The following TMEFF2 variants were observed in gnomAD, a reference collection of about 807,000 sequenced individuals.
The protein encoded by TMEFF2 is tomoregulin-2.
TMEFF2 carries 28 observed loss-of-function variants against 53.8 expected under a neutral mutation model. The observed-to-expected ratio is 0.52, with a 90% CI of 0.39 to 0.71. The LOEUF is 0.71. TMEFF2 is among the 30% of genes least tolerant of loss of function. The probability of loss-of-function intolerance (pLI) is 0.00; values close to 1 mark genes in which losing one functional copy is unlikely to be tolerated. For synonymous variants in TMEFF2, 162 were observed against 166.3 expected (o/e 0.97, Z 0.20); for missense variants, 353 against 455.2 (o/e 0.78, Z 2.04).
chr2:191,951,059 TATAAAATTCTATTATA>T (rs67972756), intron 9 of TMEFF2, among the ~76,000 whole-genome samples: 42,563 of 151,914 alleles, frequency 0.28, 6,073 homozygotes, highest in African/African-American at 0.3. Flanking sequence ...GGAAAGTTCA[TATAAAATTCTATTATA>T]ATAATCTGTG....
chr2:191,964,320 C>A (rs1386551162), intron 7 of TMEFF2, among the ~76,000 whole-genome samples: 1 of 120,522 alleles, frequency 8.3e-6, no homozygotes, highest in Non-Finnish European at 1.7e-5. Flanking sequence ...TCTTTCCTTC[C>A]TTCCTTTCTT....
intron 4 of TMEFF2, among the ~76,000 whole-genome samples, chr2:192,171,003 A>G (rs1477205609): frequency 6.6e-6 from 1 of 152,148 alleles, no homozygotes; most frequent in Non-Finnish European, 1.5e-5. Context: ...TTCATTTAGT[A>G]CATTGAAAGA....
chr2:191,950,236 T>TCCG lies in TMEFF2; in HGVS notation c.*74_*75insCGG. On this transcript the variant is annotated 3_prime_UTR_variant, in exon 10 of 10. Transcript: ENST00000272771. ...AGGCAACATGTGTAGATCTCTTGTCTTATTCTTTTGTCTATAATACTGTAT... is the reference window on the plus strand; with the variant it reads ...AGGCAACATGTGTAGATCTCTTGTCTCCGTATTCTTTTGTCTATAATACTGTAT... 1 of 1,541,916 alleles carries TCCG rather than the reference T, an allele frequency of 6.5e-7. No homozygotes were observed. Among genetic ancestry groups the TCCG allele is most frequent in the Admixed American group, 1.9e-5 (1 of 52,246 alleles).
At chr2:192,184,311 T>C in intron 3 of TMEFF2, 43 bp downstream of exon 3, 1 of 1,600,192 alleles carries the variant, frequency 6.2e-7, no homozygotes, top group Non-Finnish European at 8.5e-7. Flanking sequence ...GTTTTTGGAT[T>C]TGGAATCCAT....
chr2:192,029,739 T>TA, intron 5 of TMEFF2, among the ~76,000 whole-genome samples: 1 of 152,354 alleles, frequency 6.6e-6, no homozygotes, highest in Admixed American at 6.5e-5. Context: ...TTGAGGCATT[T>TA]AAAATTTGTA....
intron 7 of TMEFF2, among the ~76,000 whole-genome samples, chr2:191,964,369 TTTC>T (rs1559063503): frequency 3.0e-5 from 2 of 66,178 alleles, no homozygotes; most frequent in Non-Finnish European, 6.0e-5. Flanking sequence ...TCTTTCTTTC[TTTC>T]TCTTTCTTTC....
rs138489086 is a variant in TMEFF2 at position 191,962,729 on chromosome 2, A to G, written c.746-6351T>C. ...TAACAAGGCTCATGTAGATTTAGTT[A>G]GAAATCCTGGACCTCAAAAAATTTT... On this transcript the variant is annotated intron_variant, in intron 7 of 9. Transcript: ENST00000272771. 4.6e-3 allele frequency among the ~76,000 whole-genome samples: 703 copies of G among 152,378 alleles called. 6 individuals carry two copies. The highest frequency in any genetic ancestry group is 0.016 in the African/African-American group (673 of 41,592).
At chr2:192,096,789 G>A (rs1444762591) in intron 4 of TMEFF2, among the ~76,000 whole-genome samples, 1 of 147,216 alleles carries the variant, frequency 6.8e-6, no homozygotes, top group Non-Finnish European at 1.5e-5. Context: ...TGATTCTCCT[G>A]CCCAAGCTTC....
intron 4 of TMEFF2, among the ~76,000 whole-genome samples, chr2:192,069,685 A>T (rs559272988): frequency 6.6e-6 from 1 of 151,842 alleles, no homozygotes; most frequent in South Asian, 2.1e-4. Flanking sequence ...ATCTAGTTTT[A>T]AAAAAATTGC....
chr2:192,005,173 A>G (rs1267369348), intron 5 of TMEFF2, among the ~76,000 whole-genome samples: 1 of 152,248 alleles, frequency 6.6e-6, no homozygotes. Context: ...GAAATAGGAA[A>G]TAATTTTTAA....
At chr2:192,031,552 C>A (rs1450575867) in intron 5 of TMEFF2, 1 of 152,150 alleles carries the variant, frequency 6.6e-6, no homozygotes, top group East Asian at 1.9e-4. Flanking sequence ...CAAGTCATGT[C>A]TTAAAAATTT....
chr2:191,959,590 G>A (rs1025194254), intron 7 of TMEFF2, among the ~76,000 whole-genome samples: 1 of 148,190 alleles, frequency 6.7e-6, no homozygotes, highest in African/African-American at 2.5e-5. Context: ...AGATTTAGCA[G>A]TTCAGACTTA....
In TMEFF2 at chr2:192,169,667, C is replaced by T. The variant is rs534246214; in HGVS notation, c.439+10001G>A. ...CCTGTTAGGAGGCTTTTTTCCAATG[C>T]TATAGATGAGAGATACCTAAGGGCT... On this transcript the variant is annotated intron_variant, in intron 4 of 9. Transcript: ENST00000272771. 5.5e-4 allele frequency among the ~76,000 whole-genome samples: 84 copies of T among 152,088 alleles called. No homozygotes were observed. In the South Asian group the frequency reaches 7.9e-3, roughly 14 times the overall value.
intron 5 of TMEFF2, among the ~76,000 whole-genome samples, chr2:192,012,096 G>A (rs1686642221): frequency 2.6e-5 from 4 of 152,070 alleles, no homozygotes. Context: ...GTAGAGACCA[G>A]GGTTCACTGT....
chr2:191,957,037 A>C (rs1692124402), intron 7 of TMEFF2, among the ~76,000 whole-genome samples: 1 of 152,226 alleles, frequency 6.6e-6, no homozygotes, highest in Admixed American at 6.5e-5. Flanking sequence ...ATTTAAATGC[A>C]TATTTGGCCT....
At chr2:192,092,896 CGTTAATACTCGCCCT>C (rs1252214359) in intron 4 of TMEFF2, among the ~76,000 whole-genome samples, 1 of 152,100 alleles carries the variant, frequency 6.6e-6, no homozygotes, top group Non-Finnish European at 1.5e-5. Flanking sequence ...CCTTCCCACA[CGTTAATACTCGCCCT>C]GTAAGATTCA....
intron 4 of TMEFF2, among the ~76,000 whole-genome samples, chr2:192,165,939 T>C (rs2106017224): frequency 6.6e-6 from 1 of 152,244 alleles, no homozygotes; most frequent in African/African-American, 2.4e-5. Flanking sequence ...CAAATACAGT[T>C]TTTGAAACAT....
intron 4 of TMEFF2, among the ~76,000 whole-genome samples, chr2:192,072,001 A>G (rs1318924869): frequency 6.6e-6 from 1 of 151,962 alleles, no homozygotes; most frequent in Non-Finnish European, 1.5e-5. Context: ...TGAACTTCAA[A>G]TAAGAAGCAG....
At chr2:192,164,701 C>T (rs1441447253) in intron 4 of TMEFF2, among the ~76,000 whole-genome samples, 1 of 149,682 alleles carries the variant, frequency 6.7e-6, no homozygotes, top group Non-Finnish European at 1.5e-5. Context: ...GCACTCCAGC[C>T]TGGTGACATA....
Sources: allele counts gnomAD v4.1 joint callset (sites outside exome capture counted in the v4.1 genomes callset), GRCh38; gene constraint gnomAD v4.1.1; transcripts MANE v1.5; gene names NCBI Gene and HGNC (gene_info 2026-07-23, HGNC 2026-07-21).